The following POM121C variants were observed in gnomAD, a reference collection of about 807,000 sequenced individuals.
The protein encoded by POM121C is nuclear envelope pore membrane protein POM 121C.
POM121C carries 20 observed loss-of-function variants against 66.4 expected under a neutral mutation model. The ratio of observed to expected loss-of-function variants is 0.30; its 90% confidence interval spans 0.21 to 0.44. The LOEUF is 0.44. Ranked by LOEUF, POM121C falls within the 20% of genes least tolerant of loss-of-function variation. The pLI, the probability that POM121C is intolerant of heterozygous loss-of-function variation, is 1.00. For missense variants in POM121C, 580 were observed against 1,225.7 expected (o/e 0.47, Z 7.87); for synonymous variants, 286 against 528.0 (o/e 0.54, Z 6.28).
Position 75,479,390 on chromosome 7 carries a change from T to C in POM121C, c.-457-4202A>G, listed in dbSNP as rs587619887. Among the ~76,000 whole-genome samples the C allele has an allele frequency of 2.9e-4, 44 of 151,802 alleles. No homozygotes were observed. The South Asian group carries it at 4.0e-3, about 14-fold the overall frequency. On this transcript the variant is annotated intron_variant, in intron 1 of 14. Transcript: ENST00000615331. ...CAGCACTTTGGGCGGCTGAGGCAGATGGGTGACCTGAGGTCAGGAGTTCGA... is the reference window on the plus strand; with the variant it reads ...CAGCACTTTGGGCGGCTGAGGCAGACGGGTGACCTGAGGTCAGGAGTTCGA...
In POM121C at chr7:75,442,315, C is replaced by T. The variant is rs782194204; in HGVS notation, c.-151-668G>A. The T allele has an allele frequency of 5.6e-6, 8 of 1,426,846 alleles. No individual in the cohort carries two copies. The South Asian group carries it at 7.3e-5, about 13-fold the overall frequency. The allele number at this position is 1,426,846 out of a possible 1,614,324, so 88.4% of individuals were successfully genotyped here. A position where few individuals can be genotyped will look rare whatever the true frequency, so the allele number is the denominator to read the frequency against. Reference sequence around the variant, plus strand: ...CCTGGCCCTCCGGAGCGGGGGCGGGCTGCGGCGGCCCGGGCTTGCCCAGGT... The same window carrying T: ...CCTGGCCCTCCGGAGCGGGGGCGGGTTGCGGCGGCCCGGGCTTGCCCAGGT... On this transcript the variant is annotated intron_variant, in intron 3 of 14. Coordinates refer to ENST00000615331, the MANE Select transcript of POM121C (RefSeq NM_001099415.3).
At chr7:75,421,028 AGT>A (rs1167520154) in intron 13 of POM121C, 6 of 248,992 alleles carry the variant, frequency 2.4e-5, no homozygotes, top group South Asian at 1.3e-4. Flanking sequence ...GCCAGAGTAC[AGT>A]GTGGCATGAT....
chr7:75,460,598 T>C (rs1334469053), intron 3 of POM121C, among the ~76,000 whole-genome samples: 1 of 151,768 alleles, frequency 6.6e-6, no homozygotes, highest in East Asian at 1.9e-4. Context: ...CTAGAAAGAG[T>C]GATTGGAATC....
chr7:75,481,221 T>C (rs1321301006), intron 1 of POM121C, among the ~76,000 whole-genome samples: 1 of 150,792 alleles, frequency 6.6e-6, no homozygotes, highest in Non-Finnish European at 1.5e-5. Flanking sequence ...AAAATAATGC[T>C]ATCAAATATA....
intron 3 of POM121C, among the ~76,000 whole-genome samples, chr7:75,454,490 C>G (rs1156781033): frequency 3.9e-5 from 6 of 152,122 alleles, no homozygotes; most frequent in African/African-American, 1.4e-4. Flanking sequence ...GGGTGGCGCT[C>G]TGTGCCGGAC....
intron 7 of POM121C, among the ~76,000 whole-genome samples, chr7:75,436,075 T>A (rs1790394599): frequency 6.6e-6 from 1 of 151,508 alleles, no homozygotes; most frequent in Non-Finnish European, 1.5e-5. Flanking sequence ...AAATTGCATG[T>A]ACTAGGATCA....
chr7:75,447,336 T>A (rs1554474801), intron 3 of POM121C, among the ~76,000 whole-genome samples: 1 of 150,756 alleles, frequency 6.6e-6, no homozygotes, highest in Non-Finnish European at 1.5e-5. Flanking sequence ...AAGCTCAATG[T>A]CAAGTACAAG....
intron 7 of POM121C, among the ~76,000 whole-genome samples, chr7:75,431,016 CA>C (rs1554472270): frequency 7.7e-6 from 1 of 129,336 alleles, no homozygotes; most frequent in African/African-American, 3.0e-5. Context: ...GCGGAGCTTG[CA>C]GTGAGCCCAG....
chr7:75,427,593 C>T (rs1790006435), intron 7 of POM121C, among the ~76,000 whole-genome samples: 1 of 151,446 alleles, frequency 6.6e-6, no homozygotes. Context: ...GTTTTCATCT[C>T]TGCTTCCTCC....
chr7:75,424,606 T>C lies in POM121C; in HGVS notation c.791A>G (p.Tyr264Cys), dbSNP rs781914524. 1.2e-6 allele frequency: 2 copies of C among 1,613,934 alleles called. No individual in the cohort carries two copies. The highest frequency in any genetic ancestry group is 1.1e-5 in the South Asian group (1 of 91,080). ...LTLPPPPQLG[Y>C]SITAEDLDLE... is the part of the protein sequence containing the mutation. ...GTCTAGGTCCTCGGCAGTGATCGAA[T>C]AGCCAAGCTGGGGAGGTGGAGGCTA... Residue 264 changes from tyrosine to cysteine, a missense_variant, in exon 11 of 15, where the codon TAT becomes TGT. Physicochemically the swap from Tyr to Cys is radical, Grantham distance 194 (BLOSUM62 -2). Transcript: ENST00000615331.
At chr7:75,463,734 C>T (rs1791527793) in intron 3 of POM121C, among the ~76,000 whole-genome samples, 1 of 152,098 alleles carries the variant, frequency 6.6e-6, no homozygotes, top group South Asian at 2.1e-4. Context: ...GCTCTGTCAT[C>T]CAGACTGGAG....
intron 3 of POM121C, among the ~76,000 whole-genome samples, chr7:75,463,511 C>T (rs1791520121): frequency 6.8e-6 from 1 of 146,876 alleles, no homozygotes; most frequent in South Asian, 2.1e-4. Context: ...TGTTAAAACA[C>T]TAGTTGAACA....
Position 75,442,512 on chromosome 7 carries a change from T to TC in POM121C, c.-151-866dup, listed in dbSNP as rs1231196171. 2.1e-6 allele frequency: 3 copies of TC among 1,430,586 alleles called. No individual in the cohort carries two copies. The African/African-American group carries it at 4.5e-5, about 22-fold the overall frequency. 88.6% of individuals were successfully genotyped at this position (1,430,586 alleles called of 1,614,324 possible). On this transcript the variant is annotated intron_variant, in intron 3 of 14. Coordinates refer to ENST00000615331, the MANE Select transcript of POM121C (RefSeq NM_001099415.3). ...GGGCGCGAACCTCGGGGCTCGCGGC[T>TC]CAGTCCCCACCAGGCCGCGGTAGTC...
chr7:75,477,557 A>G (rs1190058836), intron 1 of POM121C, among the ~76,000 whole-genome samples: 1 of 152,146 alleles, frequency 6.6e-6, no homozygotes, highest in Non-Finnish European at 1.5e-5. Flanking sequence ...CTGGAACTAG[A>G]TAAGCTGACA....
chr7:75,474,380 C>A (rs1240384759), intron 3 of POM121C, among the ~76,000 whole-genome samples: 1 of 152,086 alleles, frequency 6.6e-6, no homozygotes, highest in African/African-American at 2.4e-5. Context: ...GGTGACAGAA[C>A]AAGACTCCGT....
intron 7 of POM121C, among the ~76,000 whole-genome samples, chr7:75,434,212 C>A (rs1483758715): frequency 1.6e-4 from 25 of 152,032 alleles, no homozygotes; most frequent in Admixed American, 6.6e-5. Flanking sequence ...GGAAACAGAA[C>A]TGAAAATAAT....
At chr7:75,442,729 G>A in intron 3 of POM121C, 2 of 1,355,490 alleles carry the variant, frequency 1.5e-6, no homozygotes, top group African/African-American at 3.1e-5. Flanking sequence ...TCGCGGCTCC[G>A]CGCCGCGGAG....
At chr7:75,456,321 TA>T (rs1449247223) in intron 3 of POM121C, among the ~76,000 whole-genome samples, 1 of 152,286 alleles carries the variant, frequency 6.6e-6, no homozygotes, top group Non-Finnish European at 1.5e-5. Flanking sequence ...GGTTATCTTT[TA>T]CTTGAGGCTG....
intron 3 of POM121C, chr7:75,442,843 C>T: frequency 1.8e-6 from 2 of 1,120,638 alleles, no homozygotes; most frequent in Non-Finnish European, 2.3e-6. Context: ...CCGGCAGCTC[C>T]CGAGACACAG....
Sources: gnomAD v4.1 joint callset for allele counts (sites outside exome capture counted in the v4.1 genomes callset) on GRCh38, gnomAD v4.1.1 for gene constraint, MANE v1.5 for transcripts, NCBI Gene and HGNC (gene_info 2026-07-23, HGNC 2026-07-21) for gene names.